Variants in CNTN5 observed in about 807,000 individuals in gnomAD.
The protein encoded by CNTN5 is contactin 5, also known as contactin-5.
CNTN5 carries 77 observed loss-of-function variants against 129.1 expected under a neutral mutation model. The observed-to-expected ratio is 0.60, with a 90% CI of 0.50 to 0.72. The LOEUF (loss-of-function observed/expected upper bound fraction) is 0.72, where lower values mean the gene tolerates loss of function less well. Among genes scored for constraint, CNTN5 ranks in the 30% least tolerant of loss-of-function variants. The pLI is 0.00. For missense variants in CNTN5, 1,478 were observed against 1,328.8 expected (o/e 1.11, Z -1.75); for synonymous variants, 509 against 465.6 (o/e 1.09, Z -1.20).
intron 16 of CNTN5, among the ~76,000 whole-genome samples, chr11:100,239,870 T>G (rs1243960204): frequency 6.6e-6 from 1 of 152,216 alleles, no homozygotes; most frequent in Non-Finnish European, 1.5e-5. Flanking sequence ...AAATGTTCAT[T>G]AATCACAAAA....
At chr11:99,687,169 C>T (rs1953830520) in intron 3 of CNTN5, among the ~76,000 whole-genome samples, 1 of 130,204 alleles carries the variant, frequency 7.7e-6, no homozygotes, top group South Asian at 2.5e-4. Flanking sequence ...TTGTTTTGTA[C>T]ACTGTTATTT....
At chr11:99,987,398 C>G (rs532194332) in intron 8 of CNTN5, among the ~76,000 whole-genome samples, 4 of 151,792 alleles carry the variant, frequency 2.6e-5, no homozygotes, top group Non-Finnish European at 5.9e-5. Flanking sequence ...AATGCTATTT[C>G]TCTTTATATA....
At chr11:99,608,427 C>G (rs1950496028) in intron 3 of CNTN5, among the ~76,000 whole-genome samples, 1 of 152,116 alleles carries the variant, frequency 6.6e-6, no homozygotes, top group Admixed American at 6.6e-5. Context: ...GACCTTCTAA[C>G]CTCCCTGGTC....
chr11:100,324,966 C>T lies in CNTN5; in HGVS notation c.2731-15497C>T, dbSNP rs183430349. 4.6e-4 allele frequency among the ~76,000 whole-genome samples: 70 copies of T among 152,246 alleles called. 2 individuals carry two copies. In the East Asian group the frequency reaches 6.0e-3, roughly 13 times the overall value. On this transcript the variant is annotated intron_variant, in intron 21 of 24. Transcript: ENST00000524871. ...CTAATATGCATGCAATTTAATAATA[C>T]TGACTGCCAGCATATCTCAAAGTAT...
At chr11:99,257,455 C>A (rs750723516) in intron 1 of CNTN5, among the ~76,000 whole-genome samples, 1 of 151,934 alleles carries the variant, frequency 6.6e-6, no homozygotes, top group Non-Finnish European at 1.5e-5. Context: ...ACTATCCATA[C>A]CTATCTTAAA....
At chr11:100,313,133 T>C (rs1031376730) in intron 21 of CNTN5, among the ~76,000 whole-genome samples, 12 of 152,168 alleles carry the variant, frequency 7.9e-5, no homozygotes, top group African/African-American at 2.6e-4. Context: ...TAGAAAGCCA[T>C]TGAGACAATT....
At chr11:100,177,533 C>T (rs921690694) in intron 13 of CNTN5, among the ~76,000 whole-genome samples, 6 of 152,036 alleles carry the variant, frequency 3.9e-5, no homozygotes, top group African/African-American at 9.7e-5. Flanking sequence ...GACTGAAATA[C>T]TTCACTCCTT....
At chr11:99,205,588 C>A (rs1186002285) in intron 1 of CNTN5, among the ~76,000 whole-genome samples, 1 of 152,156 alleles carries the variant, frequency 6.6e-6, no homozygotes, top group Non-Finnish European at 1.5e-5. Flanking sequence ...ATCTAATGCA[C>A]ATCATTATGA....
intron 2 of CNTN5, among the ~76,000 whole-genome samples, chr11:99,420,748 C>T (rs1335423751): frequency 6.6e-6 from 1 of 152,194 alleles, no homozygotes; most frequent in Non-Finnish European, 1.5e-5. Context: ...GGTTAACTGT[C>T]AGGTCTTGTG....
chr11:99,354,098 C>A (rs1012474181), intron 2 of CNTN5, among the ~76,000 whole-genome samples: 2 of 152,120 alleles, frequency 1.3e-5, no homozygotes, highest in African/African-American at 4.8e-5. Context: ...TAACGTGATA[C>A]CTCCCTTAAC....
intron 1 of CNTN5, among the ~76,000 whole-genome samples, chr11:99,183,312 A>C (rs1410540231): frequency 6.6e-6 from 1 of 152,172 alleles, no homozygotes; most frequent in Non-Finnish European, 1.5e-5. Context: ...TCAGAATTTC[A>C]AGGACTCCAA....
chr11:99,989,891 G>T (rs1307207484), intron 8 of CNTN5, among the ~76,000 whole-genome samples: 1 of 151,888 alleles, frequency 6.6e-6, no homozygotes, highest in Non-Finnish European at 1.5e-5. Flanking sequence ...TCAGCCTCCC[G>T]AGTAGCTGGG....
chr11:99,351,499 T>A (rs1384660172), intron 2 of CNTN5, among the ~76,000 whole-genome samples: 2 of 152,246 alleles, frequency 1.3e-5, no homozygotes, highest in East Asian at 3.8e-4. Flanking sequence ...TCCTTTCATT[T>A]TAAAATCCTT....
At chr11:100,184,459 A>C (rs952210398) in intron 13 of CNTN5, among the ~76,000 whole-genome samples, 2 of 152,188 alleles carry the variant, frequency 1.3e-5, no homozygotes, top group Non-Finnish European at 2.9e-5. Context: ...ATCTGCTGAA[A>C]GCGGATGTAT....
chr11:99,766,890 A>G (rs959550223), intron 3 of CNTN5, among the ~76,000 whole-genome samples: 2 of 152,150 alleles, frequency 1.3e-5, no homozygotes, highest in African/African-American at 2.4e-5. Flanking sequence ...ATCTCAGATT[A>G]CAACGATATC....
At chr11:100,106,629 A>G (rs1450601728) in intron 13 of CNTN5, among the ~76,000 whole-genome samples, 1 of 152,190 alleles carries the variant, frequency 6.6e-6, no homozygotes, top group Non-Finnish European at 1.5e-5. Flanking sequence ...CCATTATATA[A>G]ATGAAAAAAA....
intron 1 of CNTN5, among the ~76,000 whole-genome samples, chr11:99,033,039 G>C (rs1482484902): frequency 1.4e-5 from 2 of 144,408 alleles, no homozygotes. Flanking sequence ...TTTCCCCATT[G>C]CTTGTTTTTG....
chr11:99,363,177 C>T (rs2136112669), intron 2 of CNTN5, among the ~76,000 whole-genome samples: 2 of 152,138 alleles, frequency 1.3e-5, no homozygotes, highest in Middle Eastern at 3.4e-3. Context: ...ACTTATGTCA[C>T]CTTTAATTTC....
chr11:99,680,735 A>G (rs956576580), intron 3 of CNTN5, among the ~76,000 whole-genome samples: 1 of 151,918 alleles, frequency 6.6e-6, no homozygotes, highest in Non-Finnish European at 1.5e-5. Context: ...TACTTTGCCC[A>G]GGAATATTAG....
Sources: gnomAD v4.1 joint callset for allele counts (sites outside exome capture counted in the v4.1 genomes callset) on GRCh38, gnomAD v4.1.1 for gene constraint, MANE v1.5 for transcripts, NCBI Gene and HGNC (gene_info 2026-07-23, HGNC 2026-07-21) for gene names.